The following ARSF variants were observed in gnomAD, a reference collection of about 807,000 sequenced individuals.
The protein encoded by ARSF is arylsulfatase F.
Under a neutral mutation model 35.4 loss-of-function variants are expected in ARSF, and 33 were observed. The observed-to-expected ratio is 0.93, with a 90% CI of 0.71 to 1.25. The LOEUF is 1.25. Among genes scored for constraint, ARSF ranks in the 50% most tolerant of loss-of-function variants. The pLI, the probability that ARSF is intolerant of heterozygous loss-of-function variation, is 0.00. For missense variants in ARSF, 501 were observed against 480.2 expected, an observed-to-expected ratio of 1.04 and a Z score of -0.40; for synonymous variants, 222 against 193.1, an observed-to-expected ratio of 1.15 and a Z score of -1.24.
chrX:3,087,585 G>T (rs1322842636), intron 6 of ARSF, among the ~76,000 whole-genome samples: 1 of 111,411 alleles, frequency 9.0e-6, no homozygotes, highest in Non-Finnish European at 1.9e-5. Flanking sequence ...ATCCAAATAA[G>T]GTCTCATTCC....
chrX:3,096,650 C>T (rs189432770), intron 7 of ARSF, among the ~76,000 whole-genome samples: 62 of 111,715 alleles, frequency 5.5e-4, no homozygotes, highest in African/African-American at 1.8e-3. Context: ...AAAATTAAAA[C>T]GCAGAAATAC....
At position 3,074,962 on chromosome X, in the gene ARSF, T is replaced by C. The variant is rs368507911; in HGVS notation, c.162-1586T>C. Among the ~76,000 whole-genome samples, 8 of 112,069 alleles carry C rather than the reference T, an allele frequency of 7.1e-5. No individual in the cohort carries two copies. In the South Asian group the frequency reaches 1.9e-3, roughly 26 times the overall value. The stretch of plus-strand genomic sequence containing the variant: ...CATGCGGTATTTGTCTCTCTGTGCT[T>C]GGCTTATTTCATTTAATCTAATACC... On this transcript the variant is annotated intron_variant, in intron 3 of 10. Transcript: ENST00000381127.
At chrX:3,098,894 G>GT (rs1325171688) in intron 7 of ARSF, among the ~76,000 whole-genome samples, 1 of 109,816 alleles carries the variant, frequency 9.1e-6, no homozygotes, top group Non-Finnish European at 1.9e-5. Flanking sequence ...TAGCTTTGTT[G>GT]TTTTTTCTTG....
chrX:3,093,181 A>G (rs1603464864), intron 7 of ARSF, among the ~76,000 whole-genome samples: 2 of 112,375 alleles, frequency 1.8e-5, no homozygotes, highest in South Asian at 7.4e-4. Context: ...AAAAAAAATT[A>G]TCATGGGTTT....
At chrX:3,042,345 T>C (rs1249466537) in intron 1 of ARSF, among the ~76,000 whole-genome samples, 1 of 111,996 alleles carries the variant, frequency 8.9e-6, no homozygotes, top group Admixed American at 9.6e-5. Flanking sequence ...CAAATGCCTG[T>C]AAATAAATAT....
chrX:3,088,695 G>A (rs1202121728), intron 6 of ARSF, among the ~76,000 whole-genome samples: 1 of 110,738 alleles, frequency 9.0e-6, no homozygotes, highest in Non-Finnish European at 1.9e-5. Flanking sequence ...CCAGTAGCTG[G>A]GATTACAGGA....
intron 6 of ARSF, among the ~76,000 whole-genome samples, chrX:3,086,892 A>G (rs1038488527): frequency 2.7e-5 from 3 of 112,059 alleles, no homozygotes; most frequent in Non-Finnish European, 5.6e-5. Context: ...TTCTTGAGGT[A>G]AGAAATCCAA....
At chrX:3,071,027 A>T (rs1328688798) in intron 2 of ARSF, among the ~76,000 whole-genome samples, 1 of 109,560 alleles carries the variant, frequency 9.1e-6, no homozygotes, top group Admixed American at 9.9e-5. Context: ...TATACAGATA[A>T]AGAAGATGTG....
chrX:3,086,490 CTCAG>C (rs1406332708), intron 6 of ARSF, among the ~76,000 whole-genome samples: 2 of 112,046 alleles, frequency 1.8e-5, no homozygotes, highest in Non-Finnish European at 3.8e-5. Context: ...TATCTGGATT[CTCAG>C]TGTATGACTC....
intron 1 of ARSF, among the ~76,000 whole-genome samples, chrX:3,045,127 T>A (rs2089969533): frequency 1.8e-5 from 2 of 111,806 alleles, no homozygotes; most frequent in Admixed American, 1.9e-4. Flanking sequence ...GAAAATTATG[T>A]AGATAAAACT....
chrX:3,104,472 G>C (rs1339787840), intron 9 of ARSF, among the ~76,000 whole-genome samples: 8 of 111,971 alleles, frequency 7.1e-5, no homozygotes, highest in Non-Finnish European at 1.3e-4. Context: ...TTTGTCTGCC[G>C]ATAGGTGGTT....
chrX:3,079,767 C>G (rs2090183604), intron 4 of ARSF, among the ~76,000 whole-genome samples: 2 of 107,235 alleles, frequency 1.9e-5, no homozygotes, highest in African/African-American at 6.8e-5. Context: ...CAAGAACAGC[C>G]TGGCCAACAT....
chrX:3,077,789 T>TTTA (rs760984034), intron 4 of ARSF, among the ~76,000 whole-genome samples: 278 of 92,212 alleles, frequency 3.0e-3, no homozygotes, highest in East Asian at 0.014. Flanking sequence ...TTTTATTTTA[T>TTTA]TTATTATTAT....
Position 3,068,093 on chromosome X carries a change from G to A in ARSF, c.-8G>A. 8.3e-7 allele frequency: 1 copy of A among 1,200,123 alleles called. No individual in the cohort carries two copies. The highest frequency in any genetic ancestry group is 2.2e-5 in the Admixed American group (1 of 44,810). On this transcript the variant is annotated 5_prime_UTR_variant, in exon 2 of 11. Coordinates refer to ENST00000381127, the MANE Select transcript of ARSF (RefSeq NM_001201539.2). ...CAAAGACAACAAGAAGGTATTCCAA[G>A]CTGCACAATGAGGCCCAGGTAGGTA...
chrX:3,050,980 G>A (rs1003571220), intron 1 of ARSF, among the ~76,000 whole-genome samples: 1 of 111,347 alleles, frequency 9.0e-6, no homozygotes, highest in Non-Finnish European at 1.9e-5. Flanking sequence ...ACTGGGAGAC[G>A]GCCTTTCCCT....
At chrX:3,047,325 C>G (rs1215445770) in intron 1 of ARSF, among the ~76,000 whole-genome samples, 1 of 110,138 alleles carries the variant, frequency 9.1e-6, no homozygotes, top group African/African-American at 3.3e-5. Flanking sequence ...ATTACAGGCA[C>G]ACGCCACCAT....
At chrX:3,074,822 GA>G (rs1303926263) in intron 3 of ARSF, among the ~76,000 whole-genome samples, 1 of 111,150 alleles carries the variant, frequency 9.0e-6, no homozygotes, top group Non-Finnish European at 1.9e-5. Flanking sequence ...TTGGCTCCGT[GA>G]AATGTTGTAT....
At chrX:3,097,974 T>C (rs770103447) in intron 7 of ARSF, among the ~76,000 whole-genome samples, 1 of 107,862 alleles carries the variant, frequency 9.3e-6, no homozygotes, top group South Asian at 4.1e-4. Flanking sequence ...ATCGTGCCAT[T>C]GCACTCCAGC....
chrX:3,110,216 T>C lies in ARSF; in HGVS notation c.1354T>C (p.Tyr452His). ...ATTTCTTTTCCACTACTGTGGCTCC[T>C]ACCTGCACGCCGTGCGGTGGATCCC... ...HEFLFHYCGS[Y>H]LHAVRWIPKD... Residue 452 changes from tyrosine to histidine, a missense_variant, in exon 10 of 11, where the codon TAC becomes CAC. Transcript: ENST00000381127. 4.2e-6 allele frequency: 5 copies of C among 1,199,851 alleles called. No individual in the cohort carries two copies. Among genetic ancestry groups the C allele is most frequent in the Non-Finnish European group, 5.6e-6 (5 of 888,868 alleles).
Sources: allele counts gnomAD v4.1 joint callset (sites outside exome capture counted in the v4.1 genomes callset), GRCh38; gene constraint gnomAD v4.1.1; transcripts MANE v1.5; gene names NCBI Gene and HGNC (gene_info 2026-07-23, HGNC 2026-07-21).